CYP7B1: variants seen among roughly 807,000 people sequenced by gnomAD.
CYP7B1 encodes cytochrome P450 family 7 subfamily B member 1.
Under a neutral mutation model 42.7 loss-of-function variants are expected in CYP7B1, and 29 were observed. The ratio of observed to expected loss-of-function variants is 0.68; its 90% CI spans 0.51 to 0.93. The LOEUF (loss-of-function observed/expected upper bound fraction) is 0.93. Among genes scored for constraint, CYP7B1 ranks in the 40% least tolerant of loss-of-function variants. The pLI, the probability that CYP7B1 is intolerant of heterozygous loss-of-function variation, is 0.00. For missense variants in CYP7B1, 655 were observed against 600.5 expected, an observed-to-expected ratio of 1.09 and a Z score of -0.95; for synonymous variants, 235 against 218.2, an observed-to-expected ratio of 1.08 and a Z score of -0.68.
chr8:64,718,643 G>C (rs1339884780), intron 1 of CYP7B1, among the ~76,000 whole-genome samples: 1 of 152,198 alleles, frequency 6.6e-6, no homozygotes, highest in Non-Finnish European at 1.5e-5. Flanking sequence ...TTCACCTCCA[G>C]GTCTGAGGTT....
chr8:64,643,155 A>G (rs894034948), intron 1 of CYP7B1, among the ~76,000 whole-genome samples: 8 of 108,810 alleles, frequency 7.4e-5, no homozygotes, highest in South Asian at 3.3e-4. Flanking sequence ...ACATATATAC[A>G]TATATACACA....
chr8:64,586,688 C>G (rs910381561), downstream of CYP7B1, among the ~76,000 whole-genome samples: 1 of 152,182 alleles, frequency 6.6e-6, no homozygotes, highest in African/African-American at 2.4e-5. Flanking sequence ...ATGGCAAAAC[C>G]TGACTATCAG....
At chr8:64,647,083 G>T (rs533863967) in intron 1 of CYP7B1, among the ~76,000 whole-genome samples, 42 of 152,248 alleles carry the variant, frequency 2.8e-4, no homozygotes, top group African/African-American at 9.6e-4. Flanking sequence ...CCACTGTAGG[G>T]TTATTAATTG....
chr8:64,782,159 A>C (rs1398347931), intron 1 of CYP7B1, among the ~76,000 whole-genome samples: 1 of 152,192 alleles, frequency 6.6e-6, no homozygotes, highest in Non-Finnish European at 1.5e-5. Flanking sequence ...CACTTTCTGC[A>C]AGAAGGTCCC....
chr8:64,739,159 C>G (rs561547563), intron 1 of CYP7B1, among the ~76,000 whole-genome samples: 1 of 152,304 alleles, frequency 6.6e-6, no homozygotes, highest in South Asian at 2.1e-4. Context: ...TGGACTTTCT[C>G]TAGCTTTTCT....
At chr8:64,672,829 G>A (rs1046251302) in intron 1 of CYP7B1, among the ~76,000 whole-genome samples, 2 of 152,128 alleles carry the variant, frequency 1.3e-5, no homozygotes, top group Non-Finnish European at 2.9e-5. Context: ...AAGACCAAAT[G>A]TGGGTGAAAG....
intron 1 of CYP7B1, among the ~76,000 whole-genome samples, chr8:64,705,821 A>G (rs1006925601): frequency 1.3e-5 from 2 of 152,070 alleles, no homozygotes; most frequent in African/African-American, 2.4e-5. Context: ...TTTTCCAATT[A>G]CATTCCTTTA....
intron 1 of CYP7B1, among the ~76,000 whole-genome samples, chr8:64,719,799 G>C (rs946046743): frequency 3.9e-5 from 6 of 152,172 alleles, no homozygotes; most frequent in Admixed American, 1.3e-4. Context: ...CTTTCTCAAA[G>C]GGTAGAAACT....
intron 1 of CYP7B1, among the ~76,000 whole-genome samples, chr8:64,699,472 T>C (rs1806880068): frequency 6.6e-6 from 1 of 152,116 alleles, no homozygotes; most frequent in African/African-American, 2.4e-5. Context: ...AAAATTCTAA[T>C]AGTAGATACT....
In CYP7B1 at chr8:64,643,071, A is replaced by ATG. The variant is rs374456738; in HGVS notation, c.123-18534_123-18533dup. 2.7e-3 allele frequency among the ~76,000 whole-genome samples: 387 copies of ATG among 145,776 alleles called. 3 individuals carry two copies. The highest frequency in any genetic ancestry group is 8.0e-3 in the African/African-American group (308 of 38,344). ...TCTCCAGAATAAAAGAATCAATAGG[A>ATG]TGTGTGTGTGTGTGTGTATATATAT... On this transcript the variant is annotated intron_variant, in intron 1 of 5. Transcript: ENST00000310193.
intron 1 of CYP7B1, among the ~76,000 whole-genome samples, chr8:64,733,474 G>A (rs1369047508): frequency 1.3e-5 from 2 of 152,102 alleles, no homozygotes; most frequent in African/African-American, 4.8e-5. Context: ...CCTCACAACT[G>A]CCCAGCAGTA....
chr8:64,589,956 C>T (rs1805013157), downstream of CYP7B1: 1 of 152,056 alleles, frequency 6.6e-6, no homozygotes, highest in Non-Finnish European at 1.5e-5. Context: ...AAATAATTAA[C>T]AATAAACAAT....
chr8:64,729,345 C>A (rs1158831587), intron 1 of CYP7B1, among the ~76,000 whole-genome samples: 3 of 152,200 alleles, frequency 2.0e-5, no homozygotes, highest in Non-Finnish European at 2.9e-5. Flanking sequence ...TACACACATT[C>A]ATGCACACAC....
intron 1 of CYP7B1, among the ~76,000 whole-genome samples, chr8:64,664,294 A>G (rs929245814): frequency 1.3e-5 from 2 of 152,220 alleles, no homozygotes; most frequent in Non-Finnish European, 2.9e-5. Context: ...AGGCCACACC[A>G]TATATATTTA....
At chr8:64,786,190 A>C (rs1412725580) in intron 1 of CYP7B1, among the ~76,000 whole-genome samples, 1 of 152,098 alleles carries the variant, frequency 6.6e-6, no homozygotes, top group East Asian at 1.9e-4. Flanking sequence ...CATCTTTCTC[A>C]CATTCCAAAA....
At chr8:64,624,181 G>C (rs1805572582) in intron 2 of CYP7B1, among the ~76,000 whole-genome samples, 1 of 151,812 alleles carries the variant, frequency 6.6e-6, no homozygotes, top group Non-Finnish European at 1.5e-5. Context: ...GGTGATGGCT[G>C]GAAAGAAGGG....
At chr8:64,760,260 T>C (rs1807869120) in intron 1 of CYP7B1, among the ~76,000 whole-genome samples, 1 of 151,934 alleles carries the variant, frequency 6.6e-6, no homozygotes, top group African/African-American at 2.4e-5. Context: ...GATTACAGAC[T>C]CAAACATAAG....
intron 1 of CYP7B1, among the ~76,000 whole-genome samples, chr8:64,680,337 A>T (rs561575941): frequency 2.6e-5 from 4 of 152,200 alleles, no homozygotes; most frequent in African/African-American, 9.6e-5. Flanking sequence ...CTAATATATT[A>T]CTAATATGTT....
At chr8:64,686,507 G>T (rs1270680962) in intron 1 of CYP7B1, among the ~76,000 whole-genome samples, 4 of 55,938 alleles carry the variant, frequency 7.2e-5, no homozygotes, top group African/African-American at 3.3e-4. Flanking sequence ...GGAGGTGGGG[G>T]GGGTCAGCCC....
Sources: gnomAD v4.1 joint callset for allele counts (sites outside exome capture counted in the v4.1 genomes callset) on GRCh38, gnomAD v4.1.1 for gene constraint, MANE v1.5 for transcripts, NCBI Gene and HGNC (gene_info 2026-07-23, HGNC 2026-07-21) for gene names.